The following CSMD1 variants were observed in gnomAD, a reference collection of about 807,000 sequenced individuals.
CSMD1 encodes CUB and sushi domain-containing protein 1.
CSMD1 carries 213 observed loss-of-function variants against 417.5 expected under a neutral mutation model. The ratio of observed to expected loss-of-function variants is 0.51; its 90% CI spans 0.46 to 0.57. The LOEUF is 0.57. Ranked by LOEUF, CSMD1 falls within the 20% of genes least tolerant of loss-of-function variation. The pLI is 0.00. For synonymous variants in CSMD1, 2,862 were observed against 1,736.8 expected (o/e 1.65, Z -16.11); for missense variants, 6,923 against 4,529.7 (o/e 1.53, Z -15.17).
intron 3 of CSMD1, among the ~76,000 whole-genome samples, chr8:4,251,555 G>A (rs1803074396): frequency 1.3e-5 from 2 of 152,166 alleles, no homozygotes; most frequent in South Asian, 4.1e-4. Context: ...ATTTAATCAG[G>A]GCAGTATCCC....
intron 1 of CSMD1, among the ~76,000 whole-genome samples, chr8:4,737,466 C>T (rs534385709): frequency 6.6e-6 from 1 of 151,990 alleles, no homozygotes; most frequent in African/African-American, 2.4e-5. Context: ...TTTAACAAAC[C>T]TGCACCTGTA....
Position 3,306,952 on chromosome 8 carries a change from T to C in CSMD1, c.3950+743A>G, listed in dbSNP as rs570941468. ...CTTTTTGTTTAAATGTTCACATCATTTTCTGAAATTTGCAATGATTTTCTT... is the reference window on the plus strand; with the variant it reads ...CTTTTTGTTTAAATGTTCACATCATCTTCTGAAATTTGCAATGATTTTCTT... On this transcript the variant is annotated intron_variant, in intron 25 of 69. Transcript: ENST00000635120. Among the ~76,000 whole-genome samples, 6 of 152,228 alleles carry C rather than the reference T, an allele frequency of 3.9e-5. No individual in the cohort carries two copies. In the East Asian group the frequency reaches 1.2e-3, roughly 29 times the overall value.
rs765904838 is a variant in CSMD1 at position 4,912,135 on chromosome 8, A to AAAAAAAAAAAAAAAAG, written c.85+82196_85+82197insCTTTTTTTTTTTTTTT. ...TCAACATAGCTTCAAAAAAAAAAAA[A>AAAAAAAAAAAAAAAAG]AAAAAAGAAAGAAAGAAAAGAAAAG... On this transcript the variant is annotated intron_variant, in intron 1 of 69. Coordinates refer to ENST00000635120, the MANE Select transcript of CSMD1 (RefSeq NM_033225.6). 2.9e-3 allele frequency among the ~76,000 whole-genome samples: 335 copies of AAAAAAAAAAAAAAAAG among 115,448 alleles called. 3 individuals carry two copies. Among genetic ancestry groups the AAAAAAAAAAAAAAAAG allele is most frequent in the South Asian group, 7.6e-3 (26 of 3,418 alleles). The allele number at this position is 115,448 out of a possible 152,430, so 75.7% of individuals were successfully genotyped here. A position where few individuals can be genotyped will look rare whatever the true frequency, so the allele number is the denominator to read the frequency against.
chr8:4,926,180 C>G (rs185462657), intron 1 of CSMD1, among the ~76,000 whole-genome samples: 1 of 152,170 alleles, frequency 6.6e-6, no homozygotes, highest in African/African-American at 2.4e-5. Context: ...CCTATCAAGT[C>G]TGAAATATTC....
At chr8:3,412,083 TATATACACAC>T (rs1188108428) in intron 12 of CSMD1, among the ~76,000 whole-genome samples, 3 of 121,820 alleles carry the variant, frequency 2.5e-5, no homozygotes, top group African/African-American at 1.1e-4. Flanking sequence ...TATATACATA[TATATACACAC>T]GTATATATAC....
At chr8:3,725,532 T>C (rs1207235985) in intron 6 of CSMD1, among the ~76,000 whole-genome samples, 1 of 152,120 alleles carries the variant, frequency 6.6e-6, no homozygotes, top group Non-Finnish European at 1.5e-5. Flanking sequence ...GTATGTGGGT[T>C]TGTGTCCCTC....
rs138073718 is a variant in CSMD1 at position 3,778,048 on chromosome 8, G to C, written c.819-24006C>G. Reference sequence around the variant, plus strand: ...GCTGTCTGGCTGTCTGTGCTTAACAGGCTGTCCACGTCCCTCCAGGGGAAA... The same window carrying C: ...GCTGTCTGGCTGTCTGTGCTTAACACGCTGTCCACGTCCCTCCAGGGGAAA... On this transcript the variant is annotated intron_variant, in intron 5 of 69. Transcript: ENST00000635120. 4.8e-3 allele frequency among the ~76,000 whole-genome samples: 729 copies of C among 152,352 alleles called. 6 individuals carry two copies. The highest frequency in any genetic ancestry group is 0.017 in the African/African-American group (687 of 41,586).
At chr8:3,249,436 C>A (rs879923084) in intron 26 of CSMD1, among the ~76,000 whole-genome samples, 2 of 152,168 alleles carry the variant, frequency 1.3e-5, no homozygotes, top group Non-Finnish European at 2.9e-5. Flanking sequence ...GTTGGCCAGG[C>A]TGGCCTTGAA....
intron 2 of CSMD1, among the ~76,000 whole-genome samples, chr8:4,548,598 G>C (rs1284197300): frequency 6.6e-6 from 1 of 152,118 alleles, no homozygotes; most frequent in Non-Finnish European, 1.5e-5. Context: ...AATATGATTT[G>C]ATTAGTAATA....
chr8:3,371,305 A>G lies in CSMD1; in HGVS notation c.2783-1935T>C, dbSNP rs149504135. ...GTTAGTAACACGTGCAAAGTTCTCT[A>G]CCGCTCTGTGCTTCCATGGCCTCAC... On this transcript the variant is annotated intron_variant, in intron 18 of 69. Coordinates refer to ENST00000635120, the MANE Select transcript of CSMD1 (RefSeq NM_033225.6). 2.6e-3 allele frequency among the ~76,000 whole-genome samples: 390 copies of G among 152,236 alleles called. 3 individuals carry two copies. Among genetic ancestry groups the G allele is most frequent in the African/African-American group, 9.1e-3 (377 of 41,544 alleles).
At chr8:3,856,396 T>C (rs187226209) in intron 5 of CSMD1, among the ~76,000 whole-genome samples, 1 of 152,276 alleles carries the variant, frequency 6.6e-6, no homozygotes, top group African/African-American at 2.4e-5. Flanking sequence ...TCTTTATAAA[T>C]TACCCAGTTT....
chr8:3,989,704 G>C (rs1814601430), intron 5 of CSMD1, among the ~76,000 whole-genome samples: 1 of 152,172 alleles, frequency 6.6e-6, no homozygotes, highest in Non-Finnish European at 1.5e-5. Context: ...ATTCGAATCA[G>C]AAGAACTTAG....
In CSMD1 at chr8:3,230,243, A is replaced by C. The variant is rs763928774; in HGVS notation, c.4154-12T>G. The stretch of plus-strand genomic sequence containing the variant: ...GGCTGCAATTGAGGCTGCAAACAAA[A>C]GAGAAGGCAAGGTCACAGGCTGGAA... On this transcript the variant is annotated splice_polypyrimidine_tract_variant and intron_variant, in intron 26 of 69. Transcript: ENST00000635120. 6.4e-7 allele frequency: 1 copy of C among 1,556,658 alleles called. No homozygotes were observed. The highest frequency in any genetic ancestry group is 8.7e-7 in the Non-Finnish European group (1 of 1,148,324).
At chr8:3,520,020 C>CATATATATATATATATATA (rs1563116097) in intron 10 of CSMD1, among the ~76,000 whole-genome samples, 1 of 137,586 alleles carries the variant, frequency 7.3e-6, no homozygotes, top group African/African-American at 3.0e-5. Flanking sequence ...GTGTATATAC[C>CATATATATATATATATATA]TATATATATA....
rs529012886 is a variant in CSMD1 at position 4,857,350 on chromosome 8, A to T, written c.85+136982T>A. On this transcript the variant is annotated intron_variant, in intron 1 of 69. Transcript: ENST00000635120. ...AAATTGACACCCTAACATCACAATT[A>T]AAAGAATTAGAAAAGCAAGAGCAAA... is the stretch of plus-strand genomic sequence containing the variant. Among the ~76,000 whole-genome samples, 646 of 151,870 alleles carry T rather than the reference A, an allele frequency of 4.3e-3. 4 individuals carry two copies. Among genetic ancestry groups the T allele is most frequent in the African/African-American group, 0.014 (594 of 41,400 alleles).
intron 3 of CSMD1, among the ~76,000 whole-genome samples, chr8:4,305,610 C>A (rs182165964): frequency 6.6e-6 from 1 of 152,274 alleles, no homozygotes; most frequent in Non-Finnish European, 1.5e-5. Flanking sequence ...AATACAGAAT[C>A]CACGTAAGAC....
At chr8:3,082,676 C>G (rs184139456) in intron 49 of CSMD1, among the ~76,000 whole-genome samples, 11 of 152,322 alleles carry the variant, frequency 7.2e-5, no homozygotes, top group Admixed American at 2.0e-4. Context: ...AGACCCACAG[C>G]AACAACCTTA....
At chr8:3,254,558 G>A (rs906688595) in intron 26 of CSMD1, among the ~76,000 whole-genome samples, 3 of 152,084 alleles carry the variant, frequency 2.0e-5, no homozygotes, top group Non-Finnish European at 2.9e-5. Flanking sequence ...ATATTTCTTG[G>A]AGGCTTTGTT....
chr8:4,048,291 A>G (rs1024559832), intron 3 of CSMD1, among the ~76,000 whole-genome samples: 1 of 152,306 alleles, frequency 6.6e-6, no homozygotes, highest in African/African-American at 2.4e-5. Context: ...TATGAGCATA[A>G]GATTGAGCTG....
Sources: allele counts gnomAD v4.1 joint callset (sites outside exome capture counted in the v4.1 genomes callset), GRCh38; gene constraint gnomAD v4.1.1; transcripts MANE v1.5; gene names NCBI Gene and HGNC (gene_info 2026-07-23, HGNC 2026-07-21).